The following LRP1B variants were observed in gnomAD, a reference collection of about 807,000 sequenced individuals.
LRP1B encodes LDL receptor related protein 1B, also known as low-density lipoprotein receptor-related protein 1B.
LRP1B carries 217 observed loss-of-function variants against 556.6 expected under a neutral mutation model. That is an observed-to-expected ratio of 0.39 (90% CI 0.35 to 0.44). The LOEUF (loss-of-function observed/expected upper bound fraction) is 0.44, where lower values mean the gene tolerates loss of function less well. Among genes scored for constraint, LRP1B ranks in the 20% least tolerant of loss-of-function variants. The pLI is 1.00. For missense variants in LRP1B, 5,053 were observed against 5,620.8 expected, an observed-to-expected ratio of 0.90 and a Z score of 3.23; for synonymous variants, 2,047 against 1,865.8, an observed-to-expected ratio of 1.10 and a Z score of -2.50.
At chr2:141,757,968 T>C (rs944621154) in intron 2 of LRP1B, among the ~76,000 whole-genome samples, 1 of 152,110 alleles carries the variant, frequency 6.6e-6, no homozygotes, top group African/African-American at 2.4e-5. Flanking sequence ...ATAGGAAAAA[T>C]TCAAGAAGAT....
chr2:140,568,095 A>G (rs1681190847), intron 43 of LRP1B, among the ~76,000 whole-genome samples: 1 of 152,078 alleles, frequency 6.6e-6, no homozygotes, highest in Non-Finnish European at 1.5e-5. Context: ...GACACTACCA[A>G]AGGAGCAAAA....
At chr2:140,371,129 C>T (rs2105166423) in intron 70 of LRP1B, 50 bp downstream of exon 70, 2 of 1,250,252 alleles carry the variant, frequency 1.6e-6, no homozygotes, top group Non-Finnish European at 2.2e-6. Flanking sequence ...TTTGTTTGCC[C>T]AAACCTAATT....
chr2:141,450,452 T>A (rs1475379310), intron 3 of LRP1B, among the ~76,000 whole-genome samples: 1 of 152,174 alleles, frequency 6.6e-6, no homozygotes, highest in Non-Finnish European at 1.5e-5. Flanking sequence ...TGAGTTGATG[T>A]GTATAAAGTA....
chr2:141,421,386 G>A (rs1425585845), intron 3 of LRP1B, among the ~76,000 whole-genome samples: 3 of 151,590 alleles, frequency 2.0e-5, no homozygotes, highest in African/African-American at 4.8e-5. Context: ...AAAATTAGCC[G>A]GGCGTAGTGG....
chr2:140,721,766 C>T (rs907781756), intron 35 of LRP1B, among the ~76,000 whole-genome samples: 1 of 150,004 alleles, frequency 6.7e-6, no homozygotes, highest in African/African-American at 2.5e-5. Context: ...ACCATGTTAG[C>T]CAGGATGGTC....
Position 140,520,402 on chromosome 2 carries a change from C to G in LRP1B, c.8027-3391G>C, listed in dbSNP as rs577544829. Among the ~76,000 whole-genome samples, 3 of 152,138 alleles carry G rather than the reference C, an allele frequency of 2.0e-5. No homozygotes were observed. In the East Asian group the frequency reaches 5.8e-4, roughly 30 times the overall value. ...TTCTCACTCATAGGTGGAAATTGAA[C>G]AATGAGAACACTTGGACACAGGGCA... On this transcript the variant is annotated intron_variant, in intron 49 of 90. Coordinates refer to ENST00000389484, the MANE Select transcript of LRP1B (RefSeq NM_018557.3).
intron 71 of LRP1B, among the ~76,000 whole-genome samples, chr2:140,365,693 G>T (rs1682729563): frequency 6.6e-6 from 1 of 151,608 alleles, no homozygotes; most frequent in Admixed American, 6.6e-5. Context: ...AAACAACATA[G>T]ATATCACAGT....
At chr2:141,595,475 A>AT (rs1456508401) in intron 2 of LRP1B, among the ~76,000 whole-genome samples, 2 of 152,098 alleles carry the variant, frequency 1.3e-5, no homozygotes, top group Admixed American at 6.5e-5. Context: ...ACCTCATCAG[A>AT]TTTTTTATTG....
chr2:140,278,665 T>A (rs1264310232), intron 84 of LRP1B, among the ~76,000 whole-genome samples: 1 of 151,994 alleles, frequency 6.6e-6, no homozygotes, highest in Non-Finnish European at 1.5e-5. Flanking sequence ...AATTGGGAAA[T>A]AAGCAAATAT....
chr2:141,268,934 C>T (rs915856553), intron 3 of LRP1B, among the ~76,000 whole-genome samples: 1 of 152,028 alleles, frequency 6.6e-6, no homozygotes, highest in Non-Finnish European at 1.5e-5. Flanking sequence ...GCAGTGATTC[C>T]AAGCCAAAAG....
At chr2:140,421,988 C>T (rs539366040) in intron 66 of LRP1B, among the ~76,000 whole-genome samples, 1 of 152,266 alleles carries the variant, frequency 6.6e-6, no homozygotes, top group East Asian at 1.9e-4. Flanking sequence ...ATAGTAAAGC[C>T]TTCTTACAGG....
intron 35 of LRP1B, among the ~76,000 whole-genome samples, chr2:140,745,917 C>T (rs401163): frequency 0.41 from 61,797 of 151,918 alleles, 12,789 homozygotes; most frequent in East Asian, 0.59. Context: ...TATGGTAAGG[C>T]GGAAAGAGCA....
At chr2:141,353,746 A>T (rs1688526895) in intron 3 of LRP1B, among the ~76,000 whole-genome samples, 1 of 151,928 alleles carries the variant, frequency 6.6e-6, no homozygotes, top group Non-Finnish European at 1.5e-5. Flanking sequence ...TATCTTTCTT[A>T]TACTTACTCT....
intron 35 of LRP1B, among the ~76,000 whole-genome samples, chr2:140,758,298 CAAGA>C (rs1688806423): frequency 6.6e-6 from 1 of 151,702 alleles, no homozygotes; most frequent in South Asian, 2.1e-4. Context: ...GTAAAAGAAA[CAAGA>C]AACAATCATA....
intron 77 of LRP1B, among the ~76,000 whole-genome samples, chr2:140,341,965 G>A (rs1317988649): frequency 6.6e-6 from 1 of 151,250 alleles, no homozygotes; most frequent in African/African-American, 2.4e-5. Context: ...AAGTTAAATC[G>A]AGGTTTTTCT....
chr2:141,129,552 T>C (rs1015110057), intron 7 of LRP1B, among the ~76,000 whole-genome samples: 1 of 149,134 alleles, frequency 6.7e-6, no homozygotes, highest in Non-Finnish European at 1.5e-5. Context: ...ATCATTACTG[T>C]TATTTAACAG....
chr2:141,576,132 A>T (rs754969310), intron 2 of LRP1B, among the ~76,000 whole-genome samples: 73 of 152,342 alleles, frequency 4.8e-4, no homozygotes, highest in Non-Finnish European at 7.9e-4. Flanking sequence ...TACTATAAAG[A>T]CACATGCACA....
intron 1 of LRP1B, among the ~76,000 whole-genome samples, chr2:142,123,616 G>A (rs2105015948): frequency 6.6e-6 from 1 of 151,348 alleles, no homozygotes; most frequent in Admixed American, 6.6e-5. Flanking sequence ...TGTAATGTCG[G>A]TATCTTAGCA....
At chr2:141,819,195 G>A (rs542730036) in intron 1 of LRP1B, among the ~76,000 whole-genome samples, 2 of 151,806 alleles carry the variant, frequency 1.3e-5, no homozygotes, top group Admixed American at 1.3e-4. Context: ...CTGAGATCAC[G>A]CCATTGTACT....
Sources: allele counts gnomAD v4.1 joint callset (sites outside exome capture counted in the v4.1 genomes callset), GRCh38; gene constraint gnomAD v4.1.1; transcripts MANE v1.5; gene names NCBI Gene and HGNC (gene_info 2026-07-23, HGNC 2026-07-21).